CUX1: variants seen among roughly 807,000 people sequenced by gnomAD.
CUX1 encodes cut like homeobox 1, also known as protein CASP.
A neutral mutation model predicts 158.8 loss-of-function variants in CUX1; 31 were observed. The observed-to-expected ratio is 0.20, with a 90% confidence interval of 0.15 to 0.26. The LOEUF (loss-of-function observed/expected upper bound fraction) is 0.26. Ranked by LOEUF, CUX1 falls within the 10% of genes least tolerant of loss-of-function variation. The pLI, the probability that CUX1 is intolerant of heterozygous loss-of-function variation, is 1.00. For missense variants in CUX1, 1,589 were observed against 2,014.6 expected (o/e 0.79, Z 4.04); for synonymous variants, 879 against 862.1 (o/e 1.02, Z -0.34).
intron 1 of CUX1, among the ~76,000 whole-genome samples, chr7:101,853,252 G>T (rs4236557): frequency 0.32 from 48,006 of 151,958 alleles, 7,839 homozygotes; most frequent in Middle Eastern, 0.44. Flanking sequence ...CTGCACCCAT[G>T]AATAGATGCT....
intron 2 of CUX1, among the ~76,000 whole-genome samples, chr7:101,992,943 G>GGGGGC: frequency 6.6e-6 from 1 of 152,308 alleles, no homozygotes; most frequent in Non-Finnish European, 1.5e-5. Flanking sequence ...GCCACCCCGA[G>GGGGGC]GGGGCCCTGG....
rs555120310 is a variant in CUX1, at chr7:102,080,815, G to C, written c.268+10398G>C. Among the ~76,000 whole-genome samples the C allele has an allele frequency of 1.4e-4, 22 of 152,294 alleles. 1 individual carries two copies. The South Asian group carries it at 4.4e-3, about 30-fold the overall frequency. On this transcript the variant is annotated intron_variant, in intron 4 of 23. Coordinates refer to ENST00000292535, the MANE Select transcript of CUX1 (RefSeq NM_181552.4). ...TCAGGGCACACCAGCACTTCCTTCA[G>C]AGTGATCCGAAGAACTCAAAGCAAA...
At chr7:101,938,271 C>A (rs1296625358) in intron 2 of CUX1, among the ~76,000 whole-genome samples, 1 of 152,068 alleles carries the variant, frequency 6.6e-6, no homozygotes. Context: ...TGCCACCACA[C>A]CCAGCTAATT....
At position 102,074,865 on chromosome 7, in the gene CUX1, T is replaced by C. The variant is rs865858386; in HGVS notation, c.268+4448T>C. Among the ~76,000 whole-genome samples the C allele has an allele frequency of 2.6e-5, 4 of 152,298 alleles. No homozygotes were observed. The South Asian group carries it at 6.2e-4, about 24-fold the overall frequency. On this transcript the variant is annotated intron_variant, in intron 4 of 23. Coordinates refer to ENST00000292535, the MANE Select transcript of CUX1 (RefSeq NM_181552.4). ...ACCTTACTGCTCATGTTCTGAGCTTTTTGTTTTTCTTGAGATGGGGTCTTG... is the reference window on the plus strand; with the variant it reads ...ACCTTACTGCTCATGTTCTGAGCTTCTTGTTTTTCTTGAGATGGGGTCTTG...
chr7:102,138,681 T>C (rs1554499346), intron 8 of CUX1, among the ~76,000 whole-genome samples: 2 of 152,198 alleles, frequency 1.3e-5, no homozygotes, highest in African/African-American at 4.8e-5. Flanking sequence ...TATAAGATAC[T>C]CTGGACCTAC....
chr7:102,176,877 G>A (rs1399676732), intron 10 of CUX1, among the ~76,000 whole-genome samples: 9 of 150,806 alleles, frequency 6.0e-5, no homozygotes, highest in South Asian at 2.1e-4. Context: ...CTGGCCCCGT[G>A]ATTACTTTTA....
intron 3 of CUX1, among the ~76,000 whole-genome samples, chr7:102,030,689 G>GTTTTTTTTTTTTTTTTTTTTTT (rs1585341128): frequency 1.2e-5 from 1 of 82,540 alleles, no homozygotes; most frequent in African/African-American, 5.3e-5. Context: ...ATTTTAAAAA[G>GTTTTTTTTTTTTTTTTTTTTTT]TGTTTTTTTT....
chr7:101,903,725 C>T (rs1802419122), intron 1 of CUX1, among the ~76,000 whole-genome samples: 1 of 152,176 alleles, frequency 6.6e-6, no homozygotes, highest in African/African-American at 2.4e-5. Context: ...TCTCTCACAT[C>T]TCACCGTTTA....
intron 1 of CUX1, among the ~76,000 whole-genome samples, 184 bp from the exon 2 acceptor site, chr7:101,915,931 T>TG (rs541205573): frequency 6.6e-6 from 1 of 151,988 alleles, no homozygotes; most frequent in Non-Finnish European, 1.5e-5. Flanking sequence ...GGACGTGGGA[T>TG]GGGGGGATAA....
At chr7:102,132,928 C>T (rs1471201327) in intron 8 of CUX1, among the ~76,000 whole-genome samples, 1 of 152,048 alleles carries the variant, frequency 6.6e-6, no homozygotes, top group Non-Finnish European at 1.5e-5. Flanking sequence ...GCCTCAGCCT[C>T]CCAAAGTGCT....
chr7:102,158,600 G>A lies in CUX1; in HGVS notation c.715G>A (p.Ala239Thr). The A allele has an allele frequency of 6.2e-7, 1 of 1,613,896 alleles. No individual in the cohort carries two copies. Among genetic ancestry groups the A allele is most frequent in the African/African-American group, 1.3e-5 (1 of 75,016 alleles). ...IEMIMTDLER[A>T]NQRAEVAQRE... is the part of the protein sequence containing the mutation. The stretch of plus-strand genomic sequence containing the variant: ...AATGATCATGACGGACCTTGAAAGG[G>A]CAAACCAGGTAGGACCCTGGACGCT... The change falls in exon 9 of 24, where the codon GCA (alanine) becomes ACA (threonine). Residue 239 changes from alanine (A) to threonine (T), a missense_variant. Ala to Thr is a moderately conservative substitution (Grantham distance 58). Coordinates refer to ENST00000292535, the MANE Select transcript of CUX1 (RefSeq NM_181552.4).
intron 4 of CUX1, among the ~76,000 whole-genome samples, chr7:102,080,638 T>G (rs533727347): frequency 2.2e-4 from 34 of 152,086 alleles, no homozygotes; most frequent in Non-Finnish European, 4.0e-4. Context: ...GAAAAGCAGT[T>G]CACCACCAGC....
chr7:102,117,733 C>T lies in CUX1; in HGVS notation c.674+2460C>T, dbSNP rs117841988. 4.8e-4 allele frequency among the ~76,000 whole-genome samples: 73 copies of T among 152,176 alleles called. No individual in the cohort carries two copies. The East Asian group carries it at 0.013, about 27-fold the overall frequency. ...TTCCTAAAGAGGGTGGTATGGGATT[C>T]GGGATTGGAAGATGAGTCAAGTCAG... On this transcript the variant is annotated intron_variant, in intron 8 of 23. Coordinates refer to ENST00000292535, the MANE Select transcript of CUX1 (RefSeq NM_181552.4).
At chr7:101,915,043 C>A (rs1804020127) in intron 1 of CUX1, among the ~76,000 whole-genome samples, 1 of 152,098 alleles carries the variant, frequency 6.6e-6, no homozygotes, top group South Asian at 2.1e-4. Context: ...TCTCGCCGTT[C>A]AGCTCTGCTT....
intron 8 of CUX1, among the ~76,000 whole-genome samples, chr7:102,147,540 C>T (rs781674357): frequency 5.9e-5 from 9 of 152,170 alleles, no homozygotes; most frequent in African/African-American, 1.7e-4. Context: ...CTCTGAAAAG[C>T]GAATCATTTT....
intron 1 of CUX1, among the ~76,000 whole-genome samples, chr7:101,915,552 A>G (rs762914324): frequency 2.0e-5 from 3 of 152,246 alleles, no homozygotes; most frequent in Non-Finnish European, 4.4e-5. Flanking sequence ...GGTCTCGAAC[A>G]TGATGCTTGG....
rs551092573 is a variant in CUX1 at position 101,989,493 on chromosome 7, G to A, written c.142-38605G>A. On this transcript the variant is annotated intron_variant, in intron 2 of 23. Transcript: ENST00000292535. ...GTAAGCCCCCATGGAAGGTCCCGGA[G>A]CCCAAATTCAAACCCGAGTGGAGCG... Among the ~76,000 whole-genome samples the A allele has an allele frequency of 5.0e-4, 76 of 152,312 alleles. 1 individual carries two copies. In the South Asian group the frequency reaches 0.013, roughly 27 times the overall value.
chr7:102,140,705 CA>C (rs1196862164), intron 8 of CUX1, among the ~76,000 whole-genome samples: 32 of 150,970 alleles, frequency 2.1e-4, no homozygotes, highest in African/African-American at 7.0e-4. Flanking sequence ...ACTAAAAATA[CA>C]AAAAAAAATT....
chr7:101,827,366 C>G (rs916226182), intron 1 of CUX1, among the ~76,000 whole-genome samples: 2 of 151,918 alleles, frequency 1.3e-5, no homozygotes, highest in Non-Finnish European at 2.9e-5. Flanking sequence ...AGTGCAGTGA[C>G]ATAATCATAG....
Sources: allele counts gnomAD v4.1 joint callset (sites outside exome capture counted in the v4.1 genomes callset), GRCh38; gene constraint gnomAD v4.1.1; transcripts MANE v1.5; gene names NCBI Gene and HGNC (gene_info 2026-07-23, HGNC 2026-07-21).